WFDC1: variants seen among roughly 807,000 people sequenced by gnomAD.
WFDC1 encodes the protein WAP four-disulfide core domain protein 1.
In WFDC1, 39 loss-of-function variants were observed where a neutral mutation model predicts 32.9. The ratio of observed to expected loss-of-function variants is 1.19; its 90% CI spans 0.92 to 1.55. WFDC1 has a LOEUF of 1.55. Among genes scored for constraint, WFDC1 ranks in the 40% most tolerant of loss-of-function variants. The pLI is 0.00. For missense variants in WFDC1, 386 were observed against 309.5 expected (o/e 1.25, Z -1.85); for synonymous variants, 184 against 137.4 (o/e 1.34, Z -2.37).
chr16:84,309,714 G>A (rs1305638232), intron 1 of WFDC1, among the ~76,000 whole-genome samples: 1 of 152,112 alleles, frequency 6.6e-6, no homozygotes, highest in Non-Finnish European at 1.5e-5. Flanking sequence ...AACTCCAGAG[G>A]TTCCTTCCTT....
At position 84,319,553 on chromosome 16, in the gene WFDC1, A is replaced by G. The variant is rs137871923; in HGVS notation, c.544A>G (p.Lys182Glu). 7 of 1,612,702 alleles carry G rather than the reference A, an allele frequency of 4.3e-6. No homozygotes were observed. In the African/African-American group the frequency reaches 8.0e-5, roughly 18 times the overall value. The change falls in exon 4 of 7, where the codon AAG (lysine) becomes GAG (glutamate). Residue 182 changes from lysine to glutamate, a missense_variant. Transcript: ENST00000219454. ...TATCCCCAACCGTGGGCAGTGCGTC[A>G]AGCAGCGCCGGCAAGCAGGTGAGTG... is the stretch of plus-strand genomic sequence containing the variant. The part of the protein sequence containing the change: ...EGIPNRGQCV[K>E]QRRQADGRIL...
intron 1 of WFDC1, among the ~76,000 whole-genome samples, chr16:84,309,070 A>C (rs1345033393): frequency 1.3e-5 from 2 of 152,292 alleles, no homozygotes; most frequent in African/African-American, 4.8e-5. Context: ...ATTTGAACCA[A>C]GGCCGTTAGC....
In WFDC1 at chr16:84,308,576, A is replaced by G. The variant is rs141388966; in HGVS notation, c.145-4385A>G. Among the ~76,000 whole-genome samples, 302 of 152,356 alleles carry G rather than the reference A, an allele frequency of 2.0e-3. 1 individual carries two copies. Among genetic ancestry groups the G allele is most frequent in the African/African-American group, 6.9e-3 (285 of 41,580 alleles). On this transcript the variant is annotated intron_variant, in intron 1 of 6. Transcript: ENST00000219454. ...TGATGGGAGGCCTTCCAGGCAGAGG[A>G]CCAGCACGTGCCAATGATGATCGGT...
At chr16:84,324,753 C>T (rs1908489315) in intron 5 of WFDC1, among the ~76,000 whole-genome samples, 1 of 152,136 alleles carries the variant, frequency 6.6e-6, no homozygotes, top group African/African-American at 2.4e-5. Context: ...TGATACCACT[C>T]TTCCATTCAT....
intron 1 of WFDC1, among the ~76,000 whole-genome samples, chr16:84,298,074 A>G (rs1269787852): frequency 6.6e-6 from 1 of 152,196 alleles, no homozygotes; most frequent in Non-Finnish European, 1.5e-5. Context: ...CCACACAGCC[A>G]TGATCACAAA....
rs1474041046 is a variant in WFDC1 at position 84,326,751 on chromosome 16, G to A, written c.605-131G>A. ...AGGAGGCACTGCAGGTGGGGACTGA[G>A]TGACCTCAGCTGGGGGAGGGAGGAG... is the stretch of plus-strand genomic sequence containing the variant. On this transcript the variant is annotated intron_variant, in intron 5 of 6. Coordinates refer to ENST00000219454, the MANE Select transcript of WFDC1 (RefSeq NM_021197.4). The A allele has an allele frequency of 1.4e-5, 14 of 1,006,530 alleles. No homozygotes were observed. In the East Asian group the frequency reaches 1.4e-4, roughly 10 times the overall value. 62.3% of individuals were successfully genotyped at this position (1,006,530 alleles called of 1,614,324 possible). A position where few individuals can be genotyped will look rare whatever the true frequency, so the allele number is the denominator to read the frequency against.
At position 84,295,056 on chromosome 16, in the gene WFDC1, G is replaced by A. The variant is rs200391042; in HGVS notation, c.85G>A (p.Gly29Ser). ...LCLLLLLLHA[G>S]SAKNIWKRAL... ...CCTCTTGCTACTTCTCCTCCACGCC[G>A]GCTCTGCCAAGAATATCTGGAAACG... The change falls in exon 1 of 7, where the codon GGC (glycine) becomes AGC (serine). Residue 29 changes from glycine (G) to serine (S), a missense_variant. By Grantham distance (56) the Gly-to-Ser change is moderately conservative (BLOSUM62 0). Transcript: ENST00000219454. 3.2e-5 allele frequency: 52 copies of A among 1,614,198 alleles called. No individual in the cohort carries two copies. Among genetic ancestry groups the A allele is most frequent in the East Asian group, 2.9e-4 (13 of 44,872 alleles).
intron 1 of WFDC1, among the ~76,000 whole-genome samples, chr16:84,298,422 C>G (rs1906737718): frequency 6.6e-6 from 1 of 152,170 alleles, no homozygotes; most frequent in Non-Finnish European, 1.5e-5. Context: ...AGAAATGCAT[C>G]ACTTTCCAAT....
chr16:84,299,670 G>T (rs144558123), intron 1 of WFDC1, among the ~76,000 whole-genome samples: 6 of 152,224 alleles, frequency 3.9e-5, no homozygotes, highest in African/African-American at 7.2e-5. Flanking sequence ...CACCATGCGG[G>T]CCTCGGTGCT....
intron 1 of WFDC1, among the ~76,000 whole-genome samples, chr16:84,299,699 G>A (rs1157301404): frequency 1.3e-5 from 2 of 152,202 alleles, no homozygotes; most frequent in Non-Finnish European, 2.9e-5. Context: ...CCTGGCCTGG[G>A]CAGGCTGGCC....
intron 1 of WFDC1, among the ~76,000 whole-genome samples, chr16:84,310,448 G>C (rs1348770691): frequency 6.6e-6 from 1 of 152,140 alleles, no homozygotes; most frequent in Non-Finnish European, 1.5e-5. Flanking sequence ...GCCAGGACTT[G>C]GATGATGTGC....
intron 4 of WFDC1, 150 bp from the exon 5 acceptor site, chr16:84,324,269 C>A (rs2151380171): frequency 3.0e-6 from 2 of 670,298 alleles, no homozygotes; most frequent in Non-Finnish European, 5.1e-6. Flanking sequence ...TGAGACATTA[C>A]AAATGCTCAT....
chr16:84,308,750 T>G (rs1907426193), intron 1 of WFDC1, among the ~76,000 whole-genome samples: 1 of 151,984 alleles, frequency 6.6e-6, no homozygotes, highest in African/African-American at 2.4e-5. Flanking sequence ...GACGCCATCC[T>G]GAGTGTAGAT....
intron 2 of WFDC1, chr16:84,317,872 A>T (rs1908052351): frequency 5.0e-6 from 1 of 201,722 alleles, no homozygotes. Flanking sequence ...CCATCTAGGG[A>T]CCCAGCTTCC....
intron 1 of WFDC1, among the ~76,000 whole-genome samples, chr16:84,300,219 A>G (rs1390764772): frequency 1.3e-5 from 2 of 152,206 alleles, no homozygotes; most frequent in African/African-American, 4.8e-5. Context: ...CAGCCCACAC[A>G]CAGTCAGGCC....
At chr16:84,318,990 C>T (rs1045373498) in intron 3 of WFDC1, 5 of 206,998 alleles carry the variant, frequency 2.4e-5, no homozygotes, top group East Asian at 1.2e-4. Context: ...TGTGGGTAAG[C>T]GTGTGTGTAT....
At chr16:84,327,127 C>T (rs887418951) in intron 6 of WFDC1, 172 bp downstream of exon 6, 15 of 630,234 alleles carry the variant, frequency 2.4e-5, no homozygotes, top group South Asian at 7.6e-5. Flanking sequence ...TCAATAGGTT[C>T]TTGGAAACTG....
chr16:84,302,164 C>T (rs1042638973), intron 1 of WFDC1, among the ~76,000 whole-genome samples: 7 of 152,016 alleles, frequency 4.6e-5, no homozygotes, highest in Non-Finnish European at 2.9e-5. Context: ...GAGGCAAATC[C>T]AGCGGGACGG....
intron 1 of WFDC1, among the ~76,000 whole-genome samples, chr16:84,298,306 G>A (rs79933327): frequency 0.1 from 15,789 of 151,842 alleles, 885 homozygotes; most frequent in South Asian, 0.17. Flanking sequence ...ATGGGGTTTT[G>A]CTGGTCTCAA....
Sources: gnomAD v4.1 joint callset for allele counts (sites outside exome capture counted in the v4.1 genomes callset) on GRCh38, gnomAD v4.1.1 for gene constraint, MANE v1.5 for transcripts, NCBI Gene and HGNC (gene_info 2026-07-23, HGNC 2026-07-21) for gene names.